PLCB1: variants seen among roughly 807,000 people sequenced by gnomAD.
PLCB1 encodes phospholipase C beta 1, also known as 1-phosphatidylinositol 4,5-bisphosphate phosphodiesterase beta-1.
Under a neutral mutation model 161.8 loss-of-function variants are expected in PLCB1, and 46 were observed. The observed-to-expected ratio is 0.28, with a 90% confidence interval of 0.22 to 0.36. The LOEUF is 0.36. PLCB1 is among the 10% of genes least tolerant of loss of function. The pLI is 1.00. For missense variants in PLCB1, 1,016 were observed against 1,472.5 expected (o/e 0.69, Z 5.07); for synonymous variants, 517 against 503.7 (o/e 1.03, Z -0.35).
intron 3 of PLCB1, among the ~76,000 whole-genome samples, chr20:8,573,175 C>G (rs1986574431): frequency 6.6e-6 from 1 of 152,042 alleles, no homozygotes; most frequent in African/African-American, 2.4e-5. Flanking sequence ...ATCTTGAAAG[C>G]TACTGAGATG....
chr20:8,579,562 A>G (rs1252255479), intron 3 of PLCB1, among the ~76,000 whole-genome samples: 1 of 152,232 alleles, frequency 6.6e-6, no homozygotes, highest in Non-Finnish European at 1.5e-5. Context: ...TTCAAATATA[A>G]TTGCTTCTTA....
intron 3 of PLCB1, among the ~76,000 whole-genome samples, chr20:8,444,213 C>T (rs893405451): frequency 5.9e-5 from 9 of 151,536 alleles, no homozygotes; most frequent in Non-Finnish European, 1.0e-4. Flanking sequence ...TGACAGGCCG[C>T]GGTGTGTGAT....
intron 31 of PLCB1, among the ~76,000 whole-genome samples, chr20:8,861,728 CAAA>C (rs35862889): frequency 7.4e-5 from 8 of 108,180 alleles, no homozygotes; most frequent in Admixed American, 9.9e-5. Context: ...GACTCTACCT[CAAA>C]AAAAAAAAAA....
At chr20:8,615,542 A>G (rs1286183104) in intron 3 of PLCB1, among the ~76,000 whole-genome samples, 1 of 152,212 alleles carries the variant, frequency 6.6e-6, no homozygotes. Flanking sequence ...AGATTTATCC[A>G]AAATGTGTCA....
chr20:8,819,956 A>G (rs893236448), intron 31 of PLCB1, among the ~76,000 whole-genome samples: 1 of 150,490 alleles, frequency 6.6e-6, no homozygotes, highest in South Asian at 2.1e-4. Flanking sequence ...TGGTTTATTT[A>G]TATGTATTAT....
chr20:8,658,812 A>G, intron 9 of PLCB1, 108 bp downstream of exon 9: 1 of 896,202 alleles, frequency 1.1e-6, no homozygotes. Flanking sequence ...TCCTCTGTTT[A>G]CAAGGCATTC....
At chr20:8,535,376 A>C (rs1167503825) in intron 3 of PLCB1, among the ~76,000 whole-genome samples, 1 of 152,170 alleles carries the variant, frequency 6.6e-6, no homozygotes, top group East Asian at 1.9e-4. Context: ...GAAAACTATA[A>C]GGCTTTTGGG....
At chr20:8,677,265 G>T (rs1990105999) in intron 9 of PLCB1, among the ~76,000 whole-genome samples, 1 of 152,008 alleles carries the variant, frequency 6.6e-6, no homozygotes, top group Non-Finnish European at 1.5e-5. Flanking sequence ...GGGTATGGTG[G>T]TGCATGCCTG....
chr20:8,703,736 C>T (rs1978501002), intron 11 of PLCB1, among the ~76,000 whole-genome samples: 1 of 152,128 alleles, frequency 6.6e-6, no homozygotes, highest in South Asian at 2.1e-4. Context: ...AGCTGTAGTT[C>T]AGACCACACT....
chr20:8,467,413 C>T (rs1462222673), intron 3 of PLCB1, among the ~76,000 whole-genome samples: 1 of 152,172 alleles, frequency 6.6e-6, no homozygotes, highest in Non-Finnish European at 1.5e-5. Context: ...ACCCAGTCAT[C>T]ATTTATCATC....
intron 3 of PLCB1, among the ~76,000 whole-genome samples, chr20:8,591,300 G>A (rs1482674749): frequency 6.6e-6 from 1 of 152,082 alleles, no homozygotes; most frequent in Non-Finnish European, 1.5e-5. Flanking sequence ...CAACTTTGGG[G>A]AGCCATTATT....
chr20:8,542,451 T>G (rs1985374382), intron 3 of PLCB1, among the ~76,000 whole-genome samples: 1 of 152,174 alleles, frequency 6.6e-6, no homozygotes, highest in African/African-American at 2.4e-5. Flanking sequence ...ACACGGGATA[T>G]TATGTTGAAT....
chr20:8,834,941 C>T (rs1986219675), intron 31 of PLCB1, among the ~76,000 whole-genome samples: 1 of 151,232 alleles, frequency 6.6e-6, no homozygotes, highest in African/African-American at 2.4e-5. Flanking sequence ...TTGTTCTATT[C>T]AGACCTTCAA....
chr20:8,565,297 C>T (rs973882721), intron 3 of PLCB1, among the ~76,000 whole-genome samples: 27 of 151,916 alleles, frequency 1.8e-4, no homozygotes, highest in African/African-American at 4.8e-4. Context: ...TGAGAACACA[C>T]GGACACAGGA....
At chr20:8,418,776 G>A (rs1054338404) in intron 3 of PLCB1, among the ~76,000 whole-genome samples, 2 of 152,030 alleles carry the variant, frequency 1.3e-5, no homozygotes, top group Non-Finnish European at 2.9e-5. Context: ...TAGAGGCATG[G>A]GTTGGCTGAA....
intron 2 of PLCB1, among the ~76,000 whole-genome samples, chr20:8,210,433 T>C (rs1306329626): frequency 2.0e-5 from 3 of 152,126 alleles, no homozygotes; most frequent in Non-Finnish European, 1.5e-5. Flanking sequence ...TTAAGTAGGC[T>C]TACCTTTAAA....
chr20:8,491,807 C>T (rs1050116146), intron 3 of PLCB1, among the ~76,000 whole-genome samples: 4 of 152,152 alleles, frequency 2.6e-5, no homozygotes, highest in Non-Finnish European at 5.9e-5. Context: ...TCTCACAAGA[C>T]AATAAGTTGG....
chr20:8,759,724 TCCTGACCTCAGCTGATCCATCTAC>T (rs1454741081), intron 24 of PLCB1, among the ~76,000 whole-genome samples: 2 of 152,084 alleles, frequency 1.3e-5, no homozygotes, highest in Non-Finnish European at 2.9e-5. Flanking sequence ...GGTGTCGAGC[TCCTGACCTCAGCTGATCCATCTAC>T]CTTGGCCTCC....
intron 12 of PLCB1, among the ~76,000 whole-genome samples, chr20:8,710,429 G>A (rs1049423709): frequency 2.0e-5 from 3 of 151,704 alleles, no homozygotes; most frequent in African/African-American, 7.3e-5. Flanking sequence ...ATTTGGGCAG[G>A]GATGCAGATT....
Sources: allele counts gnomAD v4.1 joint callset (sites outside exome capture counted in the v4.1 genomes callset), GRCh38; gene constraint gnomAD v4.1.1; transcripts MANE v1.5; gene names NCBI Gene and HGNC (gene_info 2026-07-23, HGNC 2026-07-21).